The following TPRG1 variants were observed in gnomAD, a reference collection of about 807,000 sequenced individuals.
TPRG1 encodes tumor protein p63-regulated gene 1 protein.
TPRG1 carries 29 observed loss-of-function variants against 29.3 expected under a neutral mutation model. The observed-to-expected ratio is 0.99, with a 90% CI of 0.74 to 1.35. The LOEUF (loss-of-function observed/expected upper bound fraction) is 1.35, where lower values mean the gene tolerates loss of function less well. TPRG1 is among the 40% of genes most tolerant of loss of function. The pLI is 0.00. For synonymous variants in TPRG1, 130 were observed against 116.8 expected (o/e 1.11, Z -0.73); for missense variants, 327 against 335.0 (o/e 0.98, Z 0.19).
intron 4 of TPRG1, among the ~76,000 whole-genome samples, chr3:189,277,528 A>C (rs925947420): frequency 5.9e-5 from 9 of 152,142 alleles, no homozygotes; most frequent in Non-Finnish European, 1.0e-4. Flanking sequence ...TTTTTGATTC[A>C]AGTCTTACCA....
intron 5 of TPRG1, among the ~76,000 whole-genome samples, chr3:189,315,071 A>G: frequency 6.6e-6 from 1 of 152,194 alleles, no homozygotes; most frequent in East Asian, 1.9e-4. Flanking sequence ...GCTTAAGCCC[A>G]GGAGTTCGAG....
chr3:189,248,021 CT>C (rs1038772516), intron 4 of TPRG1, among the ~76,000 whole-genome samples: 10 of 151,014 alleles, frequency 6.6e-5, no homozygotes, highest in African/African-American at 2.4e-4. Context: ...AGATAATTTT[CT>C]TAAAAACTAC....
intron 2 of TPRG1, among the ~76,000 whole-genome samples, chr3:189,211,257 A>T (rs1459480689): frequency 1.3e-5 from 2 of 152,196 alleles, no homozygotes; most frequent in Non-Finnish European, 2.9e-5. Flanking sequence ...TTGTATATGT[A>T]GGTTTCTTAC....
intron 1 of TPRG1, among the ~76,000 whole-genome samples, chr3:189,173,356 T>TTC (rs1491297181): frequency 6.7e-6 from 1 of 150,200 alleles, no homozygotes. Context: ...TTTTTTTTTT[T>TTC]TGAGACAGAG....
At chr3:189,085,457 G>A (rs1321811677) in intron 4 of TPRG1, among the ~76,000 whole-genome samples, 2 of 151,926 alleles carry the variant, frequency 1.3e-5, no homozygotes, top group Non-Finnish European at 1.5e-5. Flanking sequence ...ATGTGTGTGT[G>A]TGTGTGTGTG....
chr3:189,059,280 T>G (rs1045800651), intron 4 of TPRG1, among the ~76,000 whole-genome samples: 5 of 152,146 alleles, frequency 3.3e-5, no homozygotes, highest in Non-Finnish European at 7.4e-5. Flanking sequence ...AAATATTAAC[T>G]CAATTAAATC....
chr3:189,272,752 G>C (rs778726448), intron 4 of TPRG1, among the ~76,000 whole-genome samples: 83 of 44,776 alleles, frequency 1.9e-3, no homozygotes, highest in African/African-American at 3.2e-3. Context: ...TCCTTCCTTC[G>C]TTCCTTCCTT....
intron 4 of TPRG1, chr3:189,310,088 T>C (rs1371295132): frequency 5.2e-6 from 1 of 193,320 alleles, no homozygotes; most frequent in Non-Finnish European, 1.1e-5. Flanking sequence ...TCTTTCTCTT[T>C]TAATTCTTAC....
rs113809109 is a variant in TPRG1 at position 189,185,553 on chromosome 3, C to T, written c.-10+13422C>T. On this transcript the variant is annotated intron_variant, in intron 1 of 5. Transcript: ENST00000345063. ...GCTCAGTTATTTGAAACAATATTTA[C>T]GACATTTTTTTTTCCTGTCAGTCCT... Among the ~76,000 whole-genome samples the T allele has an allele frequency of 9.0e-4, 136 of 151,806 alleles. 3 individuals are homozygous for T. Among genetic ancestry groups the T allele is most frequent in the Middle Eastern group, 3.4e-3 (1 of 292 alleles).
At chr3:189,274,935 A>AGTGTGTGTGTGTGTGT (rs57386934) in intron 4 of TPRG1, among the ~76,000 whole-genome samples, 2 of 137,644 alleles carry the variant, frequency 1.5e-5, no homozygotes, top group East Asian at 4.3e-4. Flanking sequence ...TAATGTAATG[A>AGTGTGTGTGTGTGTGT]GTGTGTGTGT....
At chr3:189,052,502 A>G (rs1298646877) in intron 4 of TPRG1, among the ~76,000 whole-genome samples, 1 of 152,238 alleles carries the variant, frequency 6.6e-6, no homozygotes, top group Non-Finnish European at 1.5e-5. Context: ...GGGAATGTAA[A>G]GTAGCACAGC....
upstream of TPRG1, among the ~76,000 whole-genome samples, chr3:189,169,633 T>C (rs1030766787): frequency 1.3e-5 from 2 of 152,260 alleles, no homozygotes; most frequent in African/African-American, 4.8e-5. Context: ...AATACAGACA[T>C]GAAGTGAATT....
At chr3:189,198,873 T>A (rs1251027862) in intron 1 of TPRG1, among the ~76,000 whole-genome samples, 1 of 152,228 alleles carries the variant, frequency 6.6e-6, no homozygotes, top group Admixed American at 6.5e-5. Flanking sequence ...CTAAGAAAAT[T>A]CATCTCAAGG....
rs558585437 is a variant in TPRG1, at chr3:189,270,193, G to GA, written c.479+31296dup. ...AAATAATAATAACATGCTGAAGAGA[G>GA]AAAAAAAAAAAAGGTCCAGGTGGTT... On this transcript the variant is annotated intron_variant, in intron 4 of 5. Transcript: ENST00000345063. Among the ~76,000 whole-genome samples the GA allele has an allele frequency of 2.6e-3, 348 of 135,722 alleles. 1 individual carries two copies. Among genetic ancestry groups the GA allele is most frequent in the Middle Eastern group, 0.011 (3 of 264 alleles). 89.0% of individuals were successfully genotyped at this position (135,722 alleles called of 152,430 possible). A position where few individuals can be genotyped will look rare whatever the true frequency, so the allele number is the denominator to read the frequency against.
chr3:189,201,359 A>T (rs1390435066), intron 1 of TPRG1, among the ~76,000 whole-genome samples: 1 of 152,196 alleles, frequency 6.6e-6, no homozygotes, highest in East Asian at 1.9e-4. Flanking sequence ...GATTTTTAAA[A>T]ATCCCGTGTG....
In TPRG1 at chr3:189,318,192, A is replaced by G. The variant is rs147418073; in HGVS notation, c.634-2434A>G. 5.9e-5 allele frequency among the ~76,000 whole-genome samples: 9 copies of G among 152,256 alleles called. 1 individual carries two copies. The East Asian group carries it at 1.7e-3, about 29-fold the overall frequency. On this transcript the variant is annotated intron_variant, in intron 5 of 5. Transcript: ENST00000345063. ...GAGGAGGATAGGGAGGCTGCTTAACATCCTAACATGCAGAAGACATTCTCT... is the reference window on the plus strand; with the variant it reads ...GAGGAGGATAGGGAGGCTGCTTAACGTCCTAACATGCAGAAGACATTCTCT...
At chr3:189,292,832 A>T (rs1227718345) in intron 4 of TPRG1, among the ~76,000 whole-genome samples, 1 of 152,266 alleles carries the variant, frequency 6.6e-6, no homozygotes, top group East Asian at 1.9e-4. Flanking sequence ...ACGAGCAGAG[A>T]TGGCTGGCCA....
At chr3:189,293,660 G>C (rs1277312235) in intron 4 of TPRG1, among the ~76,000 whole-genome samples, 1 of 152,140 alleles carries the variant, frequency 6.6e-6, no homozygotes, top group Non-Finnish European at 1.5e-5. Context: ...GGGACATGGT[G>C]CAATTTTTCA....
intron 1 of TPRG1, among the ~76,000 whole-genome samples, chr3:189,181,697 GTCT>G: frequency 6.6e-6 from 1 of 152,188 alleles, no homozygotes; most frequent in East Asian, 1.9e-4. Flanking sequence ...ATATTTTCCT[GTCT>G]TCTTTCGAGC....
Sources: allele counts gnomAD v4.1 joint callset (sites outside exome capture counted in the v4.1 genomes callset), GRCh38; gene constraint gnomAD v4.1.1; transcripts MANE v1.5; gene names NCBI Gene and HGNC (gene_info 2026-07-23, HGNC 2026-07-21).